Variants in TANGO6 observed in about 807,000 individuals in gnomAD.
TANGO6 encodes transport and golgi organization 6 homolog.
In TANGO6, 90 loss-of-function variants were observed where a neutral mutation model predicts 114.2. That is an observed-to-expected ratio of 0.79 (90% CI 0.66 to 0.94). TANGO6 has a LOEUF of 0.94. TANGO6 is among the 40% of genes least tolerant of loss of function. The pLI, the probability that TANGO6 is intolerant of heterozygous loss-of-function variation, is 0.00. For missense variants in TANGO6, 1,274 were observed against 1,315.3 expected (o/e 0.97, Z 0.49); for synonymous variants, 477 against 509.8 (o/e 0.94, Z 0.87).
chr16:68,964,980 T>G (rs1413783442), intron 14 of TANGO6, among the ~76,000 whole-genome samples: 1 of 152,176 alleles, frequency 6.6e-6, no homozygotes, highest in Non-Finnish European at 1.5e-5. Flanking sequence ...CGAATAGTGC[T>G]ACAGTGATGA....
intron 7 of TANGO6, among the ~76,000 whole-genome samples, chr16:68,882,723 A>AT (rs1480846901): frequency 7.0e-6 from 1 of 143,630 alleles, no homozygotes; most frequent in African/African-American, 2.7e-5. Flanking sequence ...AACCAGTTTT[A>AT]TTAAAAAAAA....
intron 7 of TANGO6, among the ~76,000 whole-genome samples, chr16:68,883,698 A>G (rs1962495844): frequency 6.6e-6 from 1 of 152,194 alleles, no homozygotes; most frequent in Non-Finnish European, 1.5e-5. Flanking sequence ...TGGATCATGT[A>G]GTAACTCTAT....
chr16:68,880,449 T>A lies in TANGO6; in HGVS notation c.1295-99T>A, dbSNP rs1962441512. Reference sequence around the variant, plus strand: ...CCATTTTCTGATCTTAGGTGTTACTTACTGAGCCATCTTTCTAGTAAAGCT... The same window carrying A: ...CCATTTTCTGATCTTAGGTGTTACTAACTGAGCCATCTTTCTAGTAAAGCT... On this transcript the variant is annotated intron_variant, in intron 6 of 17. Coordinates refer to ENST00000261778, the MANE Select transcript of TANGO6 (RefSeq NM_024562.2). 3 of 729,632 alleles carry A rather than the reference T, an allele frequency of 4.1e-6. No individual in the cohort carries two copies. The African/African-American group carries it at 5.4e-5, about 13-fold the overall frequency. 45.2% of individuals were successfully genotyped at this position (729,632 alleles called of 1,614,324 possible).
At chr16:68,855,206 CA>C (rs1248799097) in intron 1 of TANGO6, among the ~76,000 whole-genome samples, 1 of 147,408 alleles carries the variant, frequency 6.8e-6, no homozygotes, top group African/African-American at 2.5e-5. Context: ...AGCTCCGTCT[CA>C]AAAAAAAATA....
At chr16:68,948,483 C>T (rs1963438777) in intron 14 of TANGO6, among the ~76,000 whole-genome samples, 1 of 152,100 alleles carries the variant, frequency 6.6e-6, no homozygotes, top group Non-Finnish European at 1.5e-5. Flanking sequence ...TGGATTTGTG[C>T]CTCTGGCTCT....
intron 17 of TANGO6, among the ~76,000 whole-genome samples, chr16:69,061,181 T>C (rs1960110456): frequency 6.6e-6 from 1 of 152,118 alleles, no homozygotes; most frequent in South Asian, 2.1e-4. Context: ...GTTATGGACC[T>C]GCTATCACCA....
intron 15 of TANGO6, among the ~76,000 whole-genome samples, chr16:68,995,982 G>C (rs769671317): frequency 2.0e-5 from 3 of 152,122 alleles, no homozygotes; most frequent in African/African-American, 7.2e-5. Context: ...TAAGTATTTT[G>C]CAGATAAAGA....
At chr16:68,997,416 G>T (rs1964001794) in intron 15 of TANGO6, among the ~76,000 whole-genome samples, 1 of 152,188 alleles carries the variant, frequency 6.6e-6, no homozygotes, top group Non-Finnish European at 1.5e-5. Flanking sequence ...GGGAGTTCTG[G>T]AACTAAGGAT....
chr16:68,893,538 G>T (rs758006056), intron 7 of TANGO6, among the ~76,000 whole-genome samples: 15 of 151,972 alleles, frequency 9.9e-5, no homozygotes, highest in Non-Finnish European at 2.1e-4. Flanking sequence ...CAGGAGTTGA[G>T]ACCAGCCTGG....
At chr16:68,925,138 C>A (rs1963149678) in intron 12 of TANGO6, among the ~76,000 whole-genome samples, 1 of 152,052 alleles carries the variant, frequency 6.6e-6, no homozygotes, top group South Asian at 2.1e-4. Context: ...TGGCAAAACC[C>A]TGACTCTACT....
Position 68,927,989 on chromosome 16 carries a change from A to T in TANGO6, c.2549A>T (p.Gln850Leu), listed in dbSNP as rs1343333834. The part of the protein sequence containing the change: ...QEVLLSAYDP[Q>L]IPTRAAALRT... ...GTTCTTTTGTCAGCTTATGACCCTC[A>T]AATTCCAACACGGGCTGCTGCCCTG... The change falls in exon 13 of 18, where the codon CAA (glutamine) becomes CTA (leucine). Residue 850 changes from glutamine to leucine, a missense_variant. Gln to Leu is a moderately radical substitution (Grantham distance 113). Transcript: ENST00000261778. The T allele has an allele frequency of 8.7e-6, 14 of 1,613,100 alleles. No individual in the cohort carries two copies. The highest frequency in any genetic ancestry group is 1.2e-5 in the Non-Finnish European group (14 of 1,179,548).
intron 15 of TANGO6, among the ~76,000 whole-genome samples, chr16:68,991,711 G>T (rs568060382): frequency 6.6e-6 from 1 of 152,010 alleles, no homozygotes; most frequent in Non-Finnish European, 1.5e-5. Context: ...CCAGCTACTC[G>T]GGAGGCTGAG....
At chr16:68,941,531 G>A (rs1337924106) in intron 14 of TANGO6, among the ~76,000 whole-genome samples, 1 of 152,004 alleles carries the variant, frequency 6.6e-6, no homozygotes, top group African/African-American at 2.4e-5. Flanking sequence ...ATCACTTGAG[G>A]ACAGGAGTTT....
At chr16:68,857,305 C>G (rs955824157) in intron 1 of TANGO6, among the ~76,000 whole-genome samples, 3 of 152,020 alleles carry the variant, frequency 2.0e-5, no homozygotes, top group African/African-American at 7.2e-5. Flanking sequence ...TAAGGGTCCT[C>G]CATGTCTTTT....
chr16:68,926,166 A>C (rs1288889523), intron 12 of TANGO6, among the ~76,000 whole-genome samples: 2 of 152,134 alleles, frequency 1.3e-5, no homozygotes, highest in Non-Finnish European at 2.9e-5. Context: ...CACTGAATGA[A>C]GTTTAGCATA....
At chr16:69,039,533 G>T (rs975504923) in intron 16 of TANGO6, among the ~76,000 whole-genome samples, 1 of 151,344 alleles carries the variant, frequency 6.6e-6, no homozygotes, top group Non-Finnish European at 1.5e-5. Flanking sequence ...CTACTTGGGA[G>T]GCTGAGGTGG....
intron 14 of TANGO6, among the ~76,000 whole-genome samples, chr16:68,932,493 C>T (rs890069872): frequency 2.0e-5 from 3 of 152,068 alleles, no homozygotes; most frequent in Middle Eastern, 3.2e-3. Context: ...AATAGAAAAA[C>T]AACATTAGGA....
chr16:68,986,104 T>G (rs894157263), intron 15 of TANGO6, among the ~76,000 whole-genome samples: 9 of 152,204 alleles, frequency 5.9e-5, no homozygotes, highest in African/African-American at 2.2e-4. Flanking sequence ...AGAACAGTAC[T>G]TCTTAATTAT....
chr16:68,845,061 A>G (rs1481282281), intron 1 of TANGO6, among the ~76,000 whole-genome samples: 1 of 145,546 alleles, frequency 6.9e-6, no homozygotes, highest in Non-Finnish European at 1.5e-5. Context: ...TCTGCCTCCC[A>G]GGTTCAAGCG....
Sources: gnomAD v4.1 joint callset for allele counts (sites outside exome capture counted in the v4.1 genomes callset) on GRCh38, gnomAD v4.1.1 for gene constraint, MANE v1.5 for transcripts, NCBI Gene and HGNC (gene_info 2026-07-23, HGNC 2026-07-21) for gene names.